SYT1: variants seen among roughly 807,000 people sequenced by gnomAD.
SYT1 encodes the protein synaptotagmin-1.
SYT1 carries 8 observed loss-of-function variants against 44.8 expected under a neutral mutation model. That is an observed-to-expected ratio of 0.18 (90% confidence interval 0.10 to 0.32). The LOEUF (loss-of-function observed/expected upper bound fraction) is 0.32, where lower values mean the gene tolerates loss of function less well. Ranked by LOEUF, SYT1 falls within the 10% of genes least tolerant of loss-of-function variation. SYT1 has a pLI of 1.00. For missense variants in SYT1, 286 were observed against 509.3 expected (o/e 0.56, Z 4.22); for synonymous variants, 154 against 188.8 (o/e 0.82, Z 1.51).
chr12:79,256,820 A>G (rs1001222821), intron 4 of SYT1, among the ~76,000 whole-genome samples: 2 of 152,208 alleles, frequency 1.3e-5, no homozygotes, highest in Admixed American at 6.5e-5. Context: ...CTTGAGTTTT[A>G]TCTGAGTAAC....
At chr12:78,906,896 A>T (rs12815551) in intron 1 of SYT1, among the ~76,000 whole-genome samples, 368 of 152,286 alleles carry the variant, frequency 2.4e-3, no homozygotes, top group Admixed American at 5.2e-3. Context: ...TATCTTGTGC[A>T]TACAAAGAAA....
At chr12:79,359,945 A>G (rs543688688) in intron 9 of SYT1, among the ~76,000 whole-genome samples, 4 of 152,302 alleles carry the variant, frequency 2.6e-5, no homozygotes, top group East Asian at 3.9e-4. Flanking sequence ...GATATTTTGC[A>G]TAACCCCATC....
At chr12:78,954,711 T>C (rs1180860498) in intron 1 of SYT1, among the ~76,000 whole-genome samples, 1 of 152,100 alleles carries the variant, frequency 6.6e-6, no homozygotes, top group Non-Finnish European at 1.5e-5. Flanking sequence ...CTTTGTTGAA[T>C]ATTAGCACAT....
At chr12:79,082,979 G>A (rs560141372) in intron 3 of SYT1, among the ~76,000 whole-genome samples, 5 of 151,572 alleles carry the variant, frequency 3.3e-5, no homozygotes, top group Non-Finnish European at 7.4e-5. Context: ...AGAAATGATT[G>A]TCAAAGATAA....
chr12:79,257,528 C>T (rs181898870), intron 4 of SYT1, among the ~76,000 whole-genome samples: 3 of 152,214 alleles, frequency 2.0e-5, no homozygotes, highest in Non-Finnish European at 4.4e-5. Flanking sequence ...TCGCCCAGGC[C>T]GGACTGCGGA....
Position 78,973,927 on chromosome 12 carries a change from AAAAAAAAAAAAATATATATATATATAT to A in SYT1, c.-216-3870_-216-3844del, listed in dbSNP as rs1345408903. Among the ~76,000 whole-genome samples, 30 of 36,298 alleles carry A rather than the reference AAAAAAAAAAAAATATATATATATATAT, an allele frequency of 8.3e-4. 1 individual carries two copies. Among genetic ancestry groups the A allele is most frequent in the African/African-American group, 3.5e-3 (30 of 8,532 alleles). The allele number at this position is 36,298 out of a possible 152,430, so 23.8% of individuals were successfully genotyped here. On this transcript the variant is annotated intron_variant, in intron 1 of 10. Transcript: ENST00000261205. The stretch of plus-strand genomic sequence containing the variant: ...GAAGAGACGAACACCAAAAAAAAAA[AAAAAAAAAAAAATATATATATATATAT>A]ATATATATATATATATATATATATA...
intron 9 of SYT1, 65 bp downstream of exon 9, chr12:79,353,684 C>A (rs929506897): frequency 2.6e-6 from 3 of 1,169,352 alleles, no homozygotes; most frequent in Admixed American, 1.7e-5. Flanking sequence ...AAATGCATGG[C>A]GCACATGCTG....
chr12:79,255,012 A>G (rs73349473), intron 4 of SYT1, among the ~76,000 whole-genome samples: 1,589 of 152,350 alleles, frequency 0.01, 28 homozygotes, highest in African/African-American at 0.036. Flanking sequence ...GATTTGGATT[A>G]CTACATAAAC....
intron 9 of SYT1, among the ~76,000 whole-genome samples, chr12:79,385,967 T>A (rs1236158121): frequency 6.6e-6 from 1 of 152,172 alleles, no homozygotes; most frequent in East Asian, 1.9e-4. Context: ...TTGTTATGTA[T>A]ACTCAGGCTG....
intron 4 of SYT1, among the ~76,000 whole-genome samples, chr12:79,273,273 CAGCT>C: frequency 6.6e-6 from 1 of 151,934 alleles, no homozygotes; most frequent in Non-Finnish European, 1.5e-5. Flanking sequence ...GCACAACATC[CAGCT>C]ATTTTTTTTT....
chr12:79,198,294 G>A (rs1478434129), intron 3 of SYT1, among the ~76,000 whole-genome samples: 3 of 152,130 alleles, frequency 2.0e-5, no homozygotes, highest in Non-Finnish European at 2.9e-5. Context: ...CAAGAAAAGT[G>A]TAGAAAATTA....
chr12:78,874,493 A>G (rs908484124), intron 1 of SYT1, among the ~76,000 whole-genome samples: 3 of 151,606 alleles, frequency 2.0e-5, no homozygotes, highest in African/African-American at 7.3e-5. Context: ...GTGAACTTCA[A>G]TAAGATAGTT....
chr12:79,252,677 A>T (rs924095783), intron 4 of SYT1, among the ~76,000 whole-genome samples: 1 of 152,186 alleles, frequency 6.6e-6, no homozygotes, highest in Admixed American at 6.5e-5. Context: ...AATAAACAGA[A>T]GTTCTACTGA....
At chr12:79,010,210 T>A (rs187394801) in intron 2 of SYT1, among the ~76,000 whole-genome samples, 1 of 152,112 alleles carries the variant, frequency 6.6e-6, no homozygotes, top group African/African-American at 2.4e-5. Flanking sequence ...CATGACAAGA[T>A]GAAAATTGGA....
At chr12:79,312,127 T>C (rs1880836365) in intron 8 of SYT1, among the ~76,000 whole-genome samples, 1 of 152,112 alleles carries the variant, frequency 6.6e-6, no homozygotes. Context: ...AGTAAAACCA[T>C]TTGCCTTCTG....
At chr12:79,348,985 AAG>A (rs775418358) in intron 8 of SYT1, among the ~76,000 whole-genome samples, 3 of 126,716 alleles carry the variant, frequency 2.4e-5, no homozygotes, top group Non-Finnish European at 4.9e-5. Context: ...AAGAGGAAGA[AAG>A]AAAGAGAGAA....
intron 2 of SYT1, among the ~76,000 whole-genome samples, chr12:79,029,598 G>A (rs909332164): frequency 2.0e-5 from 3 of 151,036 alleles, no homozygotes; most frequent in African/African-American, 7.3e-5. Context: ...TATTTTTCAT[G>A]CATGTAATGT....
intron 3 of SYT1, among the ~76,000 whole-genome samples, chr12:79,190,450 A>T (rs1873046749): frequency 6.6e-6 from 1 of 152,048 alleles, no homozygotes; most frequent in South Asian, 2.1e-4. Flanking sequence ...ACACACATAC[A>T]TTTTCATTTC....
intron 3 of SYT1, among the ~76,000 whole-genome samples, chr12:79,185,378 G>T (rs1172586958): frequency 6.6e-6 from 1 of 151,694 alleles, no homozygotes; most frequent in Non-Finnish European, 1.5e-5. Flanking sequence ...GGCACTTTTA[G>T]GGTTGAATGC....
Sources: gnomAD v4.1 joint callset for allele counts (sites outside exome capture counted in the v4.1 genomes callset) on GRCh38, gnomAD v4.1.1 for gene constraint, MANE v1.5 for transcripts, NCBI Gene and HGNC (gene_info 2026-07-23, HGNC 2026-07-21) for gene names.